The following KIF9 variants were observed in gnomAD, a reference collection of about 807,000 sequenced individuals.
KIF9 encodes kinesin-like protein KIF9.
Under a neutral mutation model 94.8 loss-of-function variants are expected in KIF9, and 68 were observed. The observed-to-expected ratio is 0.72, with a 90% confidence interval of 0.59 to 0.88. The LOEUF is 0.88. Ranked by LOEUF, KIF9 falls within the 40% of genes least tolerant of loss-of-function variation. KIF9 has a pLI of 0.00. For synonymous variants in KIF9, 343 were observed against 362.1 expected, an observed-to-expected ratio of 0.95 and a Z score of 0.60; for missense variants, 882 against 982.5, an observed-to-expected ratio of 0.90 and a Z score of 1.37.
intron 20 of KIF9, among the ~76,000 whole-genome samples, chr3:47,234,948 A>G (rs1224441365): frequency 6.6e-6 from 1 of 152,266 alleles, no homozygotes; most frequent in Non-Finnish European, 1.5e-5. Context: ...TTGCGAAAGA[A>G]TGAACTCACT....
intron 5 of KIF9, 138 bp downstream of exon 5, chr3:47,271,099 A>G (rs1450105466): frequency 1.5e-6 from 1 of 660,594 alleles, no homozygotes; most frequent in Admixed American, 2.9e-5. Context: ...AGCCATGTTC[A>G]TGCCAGTATA....
intron 16 of KIF9, among the ~76,000 whole-genome samples, chr3:47,241,892 T>A (rs1425091036): frequency 4.9e-5 from 7 of 142,772 alleles, no homozygotes; most frequent in East Asian, 4.0e-4. Flanking sequence ...ATATTTTTTT[T>A]TTTTTTTCTT....
intron 17 of KIF9, among the ~76,000 whole-genome samples, chr3:47,239,380 T>C (rs1699299079): frequency 6.6e-6 from 1 of 152,160 alleles, no homozygotes; most frequent in African/African-American, 2.4e-5. Context: ...AGTGCTTGTT[T>C]GTCCCATAAA....
intron 7 of KIF9, among the ~76,000 whole-genome samples, 170 bp downstream of exon 7, chr3:47,266,806 G>T (rs927386436): frequency 6.6e-6 from 1 of 152,002 alleles, no homozygotes; most frequent in Non-Finnish European, 1.5e-5. Flanking sequence ...GGTAATAGCC[G>T]TTCCCTTTTT....
In KIF9 at chr3:47,236,587, C is replaced by T. The variant is rs1468922448; in HGVS notation, c.1957G>A (p.Asp653Asn). Residue 653 changes from aspartate to asparagine, a missense_variant, in exon 18 of 21, where the codon GAT becomes AAT. Asp to Asn is a conservative substitution (Grantham distance 23). Coordinates refer to ENST00000684063, the MANE Select transcript of KIF9 (RefSeq NM_182902.4). Reference protein sequence around the residue: ...KYENKGLMIIDEEEFLLILKL... With the variant: ...KYENKGLMIINEEEFLLILKL... ...AGGATCAGCAGGAATTCTTCCTCAT[C>T]GATGATCATCAGCCCCTTGTTTTCG... 4.3e-6 allele frequency: 7 copies of T among 1,613,824 alleles called. No homozygotes were observed. Among genetic ancestry groups the T allele is most frequent in the East Asian group, 4.5e-5 (2 of 44,898 alleles).
chr3:47,235,684 A>G lies in KIF9; in HGVS notation c.2218-67T>C, dbSNP rs1460231998. On this transcript the variant is annotated intron_variant, in intron 19 of 20. Transcript: ENST00000684063. ...TACCCTAGCAGAGCCTGTGGTGTGC[A>G]TCAGGGCAGTCCCTTGCTGGGTTTG... 2.5e-5 allele frequency: 32 copies of G among 1,289,408 alleles called. No individual in the cohort carries two copies. The East Asian group carries it at 7.4e-4, about 30-fold the overall frequency. The allele number at this position is 1,289,408 out of a possible 1,614,324, so 79.9% of individuals were successfully genotyped here.
chr3:47,271,240 A>T lies in KIF9; in HGVS notation c.588T>A (p.Phe196Leu), dbSNP rs1289739439. The change falls in exon 5 of 21, where the codon TTT (phenylalanine) becomes TTA (leucine). Residue 196 changes from phenylalanine (F) to leucine (L), a missense_variant. By Grantham distance (22) the Phe-to-Leu change is conservative (BLOSUM62 0). Coordinates refer to ENST00000684063, the MANE Select transcript of KIF9 (RefSeq NM_182902.4). ...SQEEDAFSLL[F>L]EGETNRIIAS... is the part of the protein sequence containing the mutation. The stretch of plus-strand genomic sequence containing the variant: ...CCCTCAGGTTTTATTATCTCACCTC[A>T]AAAAGGAGGCTGAATGCATCCTCCT... 1 of 1,610,672 alleles carries T rather than the reference A, an allele frequency of 6.2e-7. No individual in the cohort carries two copies. The highest frequency in any genetic ancestry group is 1.7e-5 in the Admixed American group (1 of 59,962).
intron 3 of KIF9, among the ~76,000 whole-genome samples, chr3:47,275,056 G>C (rs1320626378): frequency 6.6e-6 from 1 of 152,158 alleles, no homozygotes; most frequent in Non-Finnish European, 1.5e-5. Context: ...ACTAATACTT[G>C]AGAGATTTGA....
At chr3:47,241,314 ATTTC>A (rs371568331) in intron 16 of KIF9, among the ~76,000 whole-genome samples, 33 of 151,250 alleles carry the variant, frequency 2.2e-4, no homozygotes, top group East Asian at 3.9e-4. Context: ...TTCCTTCTGT[ATTTC>A]TTTCTTTTTT....
At chr3:47,250,708 G>T in intron 10 of KIF9, 1 of 235,164 alleles carries the variant, frequency 4.3e-6, no homozygotes, top group Non-Finnish European at 9.5e-6. Context: ...CCTAAAAGAG[G>T]CACAAGGAAC....
chr3:47,249,133 T>G (rs1025436552), intron 10 of KIF9, among the ~76,000 whole-genome samples: 1 of 150,016 alleles, frequency 6.7e-6, no homozygotes, highest in Non-Finnish European at 1.5e-5. Flanking sequence ...ATAATAATCA[T>G]GTATGTCACC....
At position 47,277,305 on chromosome 3, in the gene KIF9, T is replaced by C. The variant is rs1269652094; in HGVS notation, c.70A>G (p.Ile24Val). The change falls in exon 2 of 21, where the codon ATC becomes GTC. Residue 24 changes from isoleucine to valine, a missense_variant. Transcript: ENST00000684063. ...ACTCTTTTGTCATCTCCGTATCTGA[T>C]CATTTCATGAGCAAAGTCATCGGTG... The part of the protein sequence containing the change: ...KPTDDFAHEM[I>V]RYGDDKRSID... 1 of 1,614,048 alleles carries C rather than the reference T, an allele frequency of 6.2e-7. No individual in the cohort carries two copies. Among genetic ancestry groups the C allele is most frequent in the Non-Finnish European group, 8.5e-7 (1 of 1,179,916 alleles).
chr3:47,256,408 C>T (rs1426027858), intron 10 of KIF9, among the ~76,000 whole-genome samples: 1 of 151,868 alleles, frequency 6.6e-6, no homozygotes, highest in Admixed American at 6.6e-5. Context: ...CTCCGCCCGG[C>T]AGCCACCCCA....
At chr3:47,265,043 G>T (rs1215459291) in intron 8 of KIF9, among the ~76,000 whole-genome samples, 1 of 152,218 alleles carries the variant, frequency 6.6e-6, no homozygotes, top group East Asian at 1.9e-4. Flanking sequence ...TGAAATAAAT[G>T]TCTATTGTTT....
chr3:47,273,724 C>A, intron 3 of KIF9, 66 bp from the exon 4 acceptor site: 1 of 1,409,204 alleles, frequency 7.1e-7, no homozygotes, highest in African/African-American at 1.4e-5. Context: ...TCCCCTCTCC[C>A]AGCATGCCTG....
At chr3:47,279,047 C>A (rs754848480) in intron 1 of KIF9, among the ~76,000 whole-genome samples, 37 of 151,528 alleles carry the variant, frequency 2.4e-4, no homozygotes, top group Middle Eastern at 3.4e-3. Context: ...ATAGTCCCAG[C>A]TACTCAGGAG....
intron 7 of KIF9, among the ~76,000 whole-genome samples, chr3:47,266,589 G>A (rs548970081): frequency 6.6e-6 from 1 of 152,316 alleles, no homozygotes; most frequent in African/African-American, 2.4e-5. Context: ...AGGCTGCAGT[G>A]AGCTGTATTT....
At chr3:47,264,132 C>T in intron 9 of KIF9, 154 bp downstream of exon 9, 2 of 644,030 alleles carry the variant, frequency 3.1e-6, no homozygotes, top group Non-Finnish European at 5.7e-6. Flanking sequence ...CTCTGGGCCC[C>T]CTCAGCAACT....
In KIF9 at chr3:47,243,638, G is replaced by T. The variant is rs150356218; in HGVS notation, c.1515-393C>A. On this transcript the variant is annotated intron_variant, in intron 15 of 20. Transcript: ENST00000684063. Reference sequence around the variant, plus strand: ...GACTGGCAGAGCCCCACACAGGGTGGTTCTGTCTGTGGATCAATGGTAAAG... The same window carrying T: ...GACTGGCAGAGCCCCACACAGGGTGTTTCTGTCTGTGGATCAATGGTAAAG... 1.2e-4 allele frequency: 19 copies of T among 160,152 alleles called. No homozygotes were observed. The East Asian group carries it at 3.1e-3, about 26-fold the overall frequency. 9.9% of individuals were successfully genotyped at this position (160,152 alleles called of 1,614,324 possible). A position where few individuals can be genotyped will look rare whatever the true frequency, so the allele number is the denominator to read the frequency against.
Sources: allele counts gnomAD v4.1 joint callset (sites outside exome capture counted in the v4.1 genomes callset), GRCh38; gene constraint gnomAD v4.1.1; transcripts MANE v1.5; gene names NCBI Gene and HGNC (gene_info 2026-07-23, HGNC 2026-07-21).